BAZ2B: variants seen among roughly 807,000 people sequenced by gnomAD.
The protein encoded by BAZ2B is bromodomain adjacent to zinc finger domain protein 2B.
A neutral mutation model predicts 246.0 loss-of-function variants in BAZ2B; 91 were observed. That is an observed-to-expected ratio of 0.37 (90% confidence interval 0.31 to 0.44). The LOEUF is 0.44. BAZ2B is among the 20% of genes least tolerant of loss of function. The pLI is 1.00. For synonymous variants in BAZ2B, 855 were observed against 860.0 expected, an observed-to-expected ratio of 0.99 and a Z score of 0.10; for missense variants, 2,332 against 2,533.7, an observed-to-expected ratio of 0.92 and a Z score of 1.71.
chr2:159,502,171 A>G (rs568414768), intron 2 of BAZ2B, among the ~76,000 whole-genome samples: 1 of 152,272 alleles, frequency 6.6e-6, no homozygotes, highest in South Asian at 2.1e-4. Context: ...GGGAAAATGA[A>G]GAGTGACTGC....
At chr2:159,686,991 G>A in the BAZ2B span, among the ~76,000 whole-genome samples, 5 of 137,046 alleles carry the variant, frequency 3.6e-5, no homozygotes, top group Admixed American at 1.6e-4. Context: ...GCAGTGAGCC[G>A]AGATTGCGCC....
intron 27 of BAZ2B, among the ~76,000 whole-genome samples, chr2:159,364,589 T>G (rs750799938): frequency 3.5e-4 from 53 of 152,232 alleles, no homozygotes; most frequent in Non-Finnish European, 6.9e-4. Context: ...AGGCTGGTCT[T>G]GAACTCCTGG....
intron 1 of BAZ2B, among the ~76,000 whole-genome samples, chr2:159,574,528 CAA>C (rs1174674523): frequency 2.0e-5 from 3 of 151,960 alleles, no homozygotes; most frequent in Non-Finnish European, 4.4e-5. Flanking sequence ...GTTATATGCA[CAA>C]GAGAACTACA....
the BAZ2B span, among the ~76,000 whole-genome samples, chr2:159,698,266 A>C: frequency 6.6e-6 from 1 of 152,104 alleles, no homozygotes; most frequent in Non-Finnish European, 1.5e-5. Context: ...TCATGCCTGT[A>C]ATCCCAACAC....
At chr2:159,544,105 A>C (rs960801545) in intron 2 of BAZ2B, among the ~76,000 whole-genome samples, 2 of 151,666 alleles carry the variant, frequency 1.3e-5, no homozygotes, top group African/African-American at 2.4e-5. Context: ...GTAATTTAAC[A>C]TGTCCTTCTC....
the BAZ2B span, among the ~76,000 whole-genome samples, chr2:159,639,082 A>G: frequency 6.6e-6 from 1 of 152,154 alleles, no homozygotes; most frequent in African/African-American, 2.4e-5. Context: ...AGGCCAGGAG[A>G]GAGTAGCATA....
intron 1 of BAZ2B, among the ~76,000 whole-genome samples, chr2:159,566,518 T>A (rs1328890002): frequency 6.6e-6 from 1 of 152,140 alleles, no homozygotes; most frequent in Non-Finnish European, 1.5e-5. Flanking sequence ...ATTGACCCAT[T>A]TCTGTTTTTG....
chr2:159,469,063 A>AG (rs2077448003), intron 3 of BAZ2B, among the ~76,000 whole-genome samples: 3 of 151,158 alleles, frequency 2.0e-5, no homozygotes, highest in Admixed American at 2.0e-4. Flanking sequence ...AAAAAAAAAA[A>AG]AAAAGTAGGG....
chr2:159,412,631 T>C (rs2066999946), intron 13 of BAZ2B, 86 bp from the exon 14 acceptor site: 6 of 1,328,530 alleles, frequency 4.5e-6, no homozygotes, highest in Non-Finnish European at 4.1e-6. Flanking sequence ...TAGCTAAAAA[T>C]CACATATATT....
At chr2:159,652,366 C>T in the BAZ2B span, among the ~76,000 whole-genome samples, 1 of 152,036 alleles carries the variant, frequency 6.6e-6, no homozygotes, top group Admixed American at 6.6e-5. Flanking sequence ...CGTGCCACAA[C>T]ACCTGGCTAA....
chr2:159,483,453 G>A (rs1337085330), intron 2 of BAZ2B, among the ~76,000 whole-genome samples: 1 of 152,040 alleles, frequency 6.6e-6, no homozygotes, highest in African/African-American at 2.4e-5. Context: ...GCCTGTCTTC[G>A]CCTCCCAAAG....
At chr2:159,650,199 C>CT in the BAZ2B span, among the ~76,000 whole-genome samples, 220 of 136,230 alleles carry the variant, frequency 1.6e-3, no homozygotes, top group Middle Eastern at 3.9e-3. Flanking sequence ...CAATTTTAGT[C>CT]TTTTTTTTTT....
the BAZ2B span, among the ~76,000 whole-genome samples, chr2:159,677,414 A>G: frequency 2.0e-5 from 3 of 152,160 alleles, no homozygotes; most frequent in Non-Finnish European, 4.4e-5. Context: ...TGTAGAAGAC[A>G]TAAAATAATT....
At chr2:159,552,039 C>A (rs939508378) in intron 2 of BAZ2B, among the ~76,000 whole-genome samples, 11 of 152,146 alleles carry the variant, frequency 7.2e-5, no homozygotes, top group Non-Finnish European at 1.3e-4. Flanking sequence ...GTTTTTCTAA[C>A]CCCAAGTCCA....
At chr2:159,392,500 T>C (rs1200162501) in intron 20 of BAZ2B, among the ~76,000 whole-genome samples, 4 of 152,162 alleles carry the variant, frequency 2.6e-5, no homozygotes, top group Admixed American at 2.0e-4. Flanking sequence ...AAGCCTCTTC[T>C]AGAGGGCAGA....
rs111875447 is a variant in BAZ2B, at chr2:159,549,850, G to T, written c.-3+5973C>A. 2.2e-5 allele frequency among the ~76,000 whole-genome samples: 3 copies of T among 139,282 alleles called. 1 individual carries two copies. The highest frequency in any genetic ancestry group is 8.1e-5 in the African/African-American group (3 of 36,858). The allele number at this position is 139,282 out of a possible 152,430, so 91.4% of individuals were successfully genotyped here. A position where few individuals can be genotyped will look rare whatever the true frequency, so the allele number is the denominator to read the frequency against. On this transcript the variant is annotated intron_variant, in intron 2 of 36. Coordinates refer to ENST00000392783, the MANE Select transcript of BAZ2B (RefSeq NM_013450.4). ...TTTTTTTTTTTTTTTTTGATACAGAGTCTTGCTGTGTAGCCCAGGCTGGAG... is the reference window on the plus strand; with the variant it reads ...TTTTTTTTTTTTTTTTTGATACAGATTCTTGCTGTGTAGCCCAGGCTGGAG...
chr2:159,677,013 G>A, the BAZ2B span, among the ~76,000 whole-genome samples: 1 of 139,398 alleles, frequency 7.2e-6, no homozygotes, highest in Admixed American at 7.3e-5. Flanking sequence ...TTTAAAAATT[G>A]AGTTGTCAAT....
In BAZ2B at chr2:159,337,599, C is replaced by T; in HGVS notation, c.5628G>A (p.Arg1876=). Residue 1876 remains arginine, a synonymous_variant, in exon 32 of 37, where the codon AGG becomes AGA. Transcript: ENST00000392783. Reference sequence around the variant, plus strand: ...CAATGTTCCGCTCCAAATCAGCCAGCCTGGTTACAGCTATATCTAGGGGGT... The same window carrying T: ...CAATGTTCCGCTCCAAATCAGCCAGTCTGGTTACAGCTATATCTAGGGGGT... ...SDNPLDIAVT[R]LADLERNIER... is the part of the protein sequence containing the mutation. 1 of 1,614,188 alleles carries T rather than the reference C, an allele frequency of 6.2e-7. No homozygotes were observed. Among genetic ancestry groups the T allele is most frequent in the Non-Finnish European group, 8.5e-7 (1 of 1,180,012 alleles).
At chr2:159,560,572 CT>C (rs768908340) in intron 1 of BAZ2B, among the ~76,000 whole-genome samples, 1,765 of 143,000 alleles carry the variant, frequency 0.012, 28 homozygotes, top group African/African-American at 0.038. Context: ...TATAAAGCAA[CT>C]TTTTTTTTTT....
Sources: gnomAD v4.1 joint callset for allele counts (sites outside exome capture counted in the v4.1 genomes callset) on GRCh38, gnomAD v4.1.1 for gene constraint, MANE v1.5 for transcripts, NCBI Gene and HGNC (gene_info 2026-07-23, HGNC 2026-07-21) for gene names.